The following COX7B2 variants were observed in gnomAD, a reference collection of about 807,000 sequenced individuals.
The protein encoded by COX7B2 is cytochrome c oxidase subunit 7B2.
For missense variants in COX7B2, 109 were observed against 95.9 expected, an observed-to-expected ratio of 1.14 and a Z score of -0.57; for synonymous variants, 37 against 32.1, an observed-to-expected ratio of 1.15 and a Z score of -0.51.
intron 1 of COX7B2, among the ~76,000 whole-genome samples, chr4:46,905,073 G>A (rs1720295149): frequency 6.6e-6 from 1 of 151,988 alleles, no homozygotes; most frequent in Non-Finnish European, 1.5e-5. Flanking sequence ...TCTTACCTCA[G>A]AGAGTTGATA....
At chr4:46,818,509 C>T (rs567094040) in intron 2 of COX7B2, among the ~76,000 whole-genome samples, 3 of 151,968 alleles carry the variant, frequency 2.0e-5, no homozygotes, top group East Asian at 1.9e-4. Flanking sequence ...TGGTGGCGAG[C>T]GCCTGTAGTC....
chr4:46,882,004 C>T (rs1404961404), intron 1 of COX7B2, among the ~76,000 whole-genome samples: 1 of 152,110 alleles, frequency 6.6e-6, no homozygotes, highest in Non-Finnish European at 1.5e-5. Context: ...TCTTTGTTCT[C>T]ATTAGTTTTA....
chr4:46,848,757 T>C (rs1467798163), intron 1 of COX7B2, among the ~76,000 whole-genome samples: 5 of 152,000 alleles, frequency 3.3e-5, no homozygotes, highest in African/African-American at 4.8e-5. Context: ...ATACATAATA[T>C]ATATGGTGTG....
intron 1 of COX7B2, among the ~76,000 whole-genome samples, chr4:46,877,299 A>G (rs563917650): frequency 6.6e-6 from 1 of 152,316 alleles, no homozygotes; most frequent in African/African-American, 2.4e-5. Context: ...ATTCAAGGAC[A>G]TCTGCGTCCA....
intron 2 of COX7B2, among the ~76,000 whole-genome samples, chr4:46,821,422 G>A (rs1369221469): frequency 6.6e-6 from 1 of 152,102 alleles, no homozygotes; most frequent in Non-Finnish European, 1.5e-5. Flanking sequence ...ATCTATGCTT[G>A]AACTGACATA....
chr4:46,878,785 G>C (rs963643739), intron 1 of COX7B2, among the ~76,000 whole-genome samples: 1 of 152,118 alleles, frequency 6.6e-6, no homozygotes, highest in Non-Finnish European at 1.5e-5. Flanking sequence ...TGGGAAGCTG[G>C]TGAAGTAAAA....
chr4:46,791,103 A>G (rs560569179), intron 2 of COX7B2, among the ~76,000 whole-genome samples: 4 of 151,930 alleles, frequency 2.6e-5, no homozygotes, highest in East Asian at 1.9e-4. Flanking sequence ...GGGTTCACGC[A>G]TTCTGGTGCC....
At chr4:46,761,806 T>C (rs1211532744) in intron 2 of COX7B2, among the ~76,000 whole-genome samples, 1 of 152,072 alleles carries the variant, frequency 6.6e-6, no homozygotes, top group Non-Finnish European at 1.5e-5. Context: ...TCAGAAATTC[T>C]AACTATAGGT....
chr4:46,737,410 G>A (rs1166135249), intron 2 of COX7B2, among the ~76,000 whole-genome samples: 2 of 152,010 alleles, frequency 1.3e-5, no homozygotes, highest in Non-Finnish European at 2.9e-5. Context: ...ATTCTCCTAA[G>A]GAATTATCTT....
chr4:46,800,950 G>A (rs1201863146), intron 2 of COX7B2, among the ~76,000 whole-genome samples: 1 of 151,844 alleles, frequency 6.6e-6, no homozygotes, highest in Non-Finnish European at 1.5e-5. Context: ...ATGGGCAAAG[G>A]CATGAAGAGA....
chr4:46,771,261 G>A lies in COX7B2; in HGVS notation c.-49-36020C>T, dbSNP rs192524963. On this transcript the variant is annotated intron_variant, in intron 2 of 2. Coordinates refer to ENST00000355591, the MANE Select transcript of COX7B2 (RefSeq NM_130902.3). The stretch of plus-strand genomic sequence containing the variant: ...GAAATGCACATCAAAACTATAATGA[G>A]ACATTACCTCAGACCCATTAGGATG... 1.2e-3 allele frequency among the ~76,000 whole-genome samples: 184 copies of A among 152,230 alleles called. 1 individual carries two copies. Among genetic ancestry groups the A allele is most frequent in the African/African-American group, 4.2e-3 (174 of 41,542 alleles).
chr4:46,830,940 G>A (rs186689913), intron 2 of COX7B2, among the ~76,000 whole-genome samples: 1,961 of 152,302 alleles, frequency 0.013, 22 homozygotes, highest in Middle Eastern at 0.024. Flanking sequence ...CACTCTGGCC[G>A]CACTTGAGGA....
intron 2 of COX7B2, among the ~76,000 whole-genome samples, chr4:46,785,358 CA>C (rs1717696085): frequency 6.6e-6 from 1 of 151,252 alleles, no homozygotes; most frequent in Non-Finnish European, 1.5e-5. Flanking sequence ...AAGAATTCCA[CA>C]AAATCTGATA....
chr4:46,849,312 C>T (rs1043030658), intron 1 of COX7B2, among the ~76,000 whole-genome samples: 3 of 152,100 alleles, frequency 2.0e-5, no homozygotes, highest in African/African-American at 7.2e-5. Flanking sequence ...TCACTTCTCT[C>T]AGTAATATCT....
At chr4:46,748,435 A>G (rs1272394924) in intron 2 of COX7B2, among the ~76,000 whole-genome samples, 2 of 152,180 alleles carry the variant, frequency 1.3e-5, no homozygotes, top group Non-Finnish European at 2.9e-5. Context: ...CAGCATGAGA[A>G]TATTATATAA....
chr4:46,844,791 T>C (rs76995106), intron 2 of COX7B2, among the ~76,000 whole-genome samples, 169 bp downstream of exon 2: 4,375 of 152,124 alleles, frequency 0.029, 93 homozygotes, highest in East Asian at 0.041. Context: ...CTTTGTGTAG[T>C]TGGGCTGATT....
At chr4:46,802,855 G>GA (rs1425614246) in intron 2 of COX7B2, among the ~76,000 whole-genome samples, 2 of 152,130 alleles carry the variant, frequency 1.3e-5, no homozygotes, top group Non-Finnish European at 2.9e-5. Flanking sequence ...TTCATGAGGT[G>GA]AAAAACATAG....
intron 2 of COX7B2, among the ~76,000 whole-genome samples, chr4:46,767,358 A>T (rs972924873): frequency 6.6e-6 from 1 of 152,352 alleles, no homozygotes; most frequent in East Asian, 1.9e-4. Context: ...ACCTAAGTAT[A>T]TAAAGCAAAA....
intron 1 of COX7B2, among the ~76,000 whole-genome samples, chr4:46,870,539 A>G (rs895180845): frequency 6.6e-6 from 1 of 152,182 alleles, no homozygotes; most frequent in African/African-American, 2.4e-5. Context: ...GAGGAAGTCA[A>G]ACTATCTCCG....
Sources: allele counts gnomAD v4.1 joint callset (sites outside exome capture counted in the v4.1 genomes callset), GRCh38; gene constraint gnomAD v4.1.1; transcripts MANE v1.5; gene names NCBI Gene and HGNC (gene_info 2026-07-23, HGNC 2026-07-21).